MDFIC2: variants seen among roughly 807,000 people sequenced by gnomAD.
MDFIC2 encodes the protein myoD family inhibitor domain-containing protein 2.
At chr3:70,204,009 C>T (rs1166821216) in intron 3 of MDFIC2, among the ~76,000 whole-genome samples, 1 of 152,104 alleles carries the variant, frequency 6.6e-6, no homozygotes, top group Non-Finnish European at 1.5e-5. Context: ...GTGTGATGTG[C>T]AGTAAAGATC....
intron 2 of MDFIC2, among the ~76,000 whole-genome samples, chr3:70,287,868 G>C (rs1220750653): frequency 1.3e-5 from 2 of 152,142 alleles, no homozygotes; most frequent in East Asian, 3.9e-4. Context: ...AGTATTCTCT[G>C]ATGGTAGTTT....
intron 2 of MDFIC2, among the ~76,000 whole-genome samples, chr3:70,293,624 G>A (rs774798150): frequency 6.6e-6 from 1 of 152,006 alleles, no homozygotes; most frequent in Non-Finnish European, 1.5e-5. Context: ...CTTGGTTTTT[G>A]CCACCAAATA....
At chr3:70,311,702 A>G (rs1702454494) in intron 2 of MDFIC2, among the ~76,000 whole-genome samples, 184 bp downstream of exon 2, 1 of 152,140 alleles carries the variant, frequency 6.6e-6, no homozygotes. Flanking sequence ...CATTTTAATA[A>G]TAAAGATCCT....
chr3:70,261,289 T>C (rs1421628371), intron 2 of MDFIC2, among the ~76,000 whole-genome samples: 2 of 152,210 alleles, frequency 1.3e-5, no homozygotes, highest in East Asian at 3.9e-4. Context: ...GTTAGTGCAG[T>C]GTGGCTTTCT....
At chr3:70,251,437 C>T (rs1233341887) in intron 2 of MDFIC2, among the ~76,000 whole-genome samples, 2 of 152,090 alleles carry the variant, frequency 1.3e-5, no homozygotes, top group South Asian at 2.1e-4. Context: ...AGGTATCTGT[C>T]TACTGGCATA....
intron 2 of MDFIC2, among the ~76,000 whole-genome samples, chr3:70,237,832 T>G (rs1383778767): frequency 2.0e-5 from 3 of 152,126 alleles, no homozygotes; most frequent in Non-Finnish European, 4.4e-5. Flanking sequence ...GTATTTTTCC[T>G]TAAATATTGC....
At chr3:70,208,199 G>A (rs560026160) in intron 2 of MDFIC2, among the ~76,000 whole-genome samples, 3 of 152,164 alleles carry the variant, frequency 2.0e-5, no homozygotes, top group Admixed American at 1.3e-4. Context: ...TGGCACAACT[G>A]GGACGTGGTC....
chr3:70,278,948 C>T (rs1298405658), intron 2 of MDFIC2, among the ~76,000 whole-genome samples: 2 of 151,356 alleles, frequency 1.3e-5, no homozygotes, highest in Admixed American at 6.6e-5. Flanking sequence ...TTCTCCTCTT[C>T]ATAGTGGTCT....
intron 2 of MDFIC2, among the ~76,000 whole-genome samples, chr3:70,289,386 C>A (rs1702205938): frequency 6.7e-6 from 1 of 149,734 alleles, no homozygotes; most frequent in African/African-American, 2.5e-5. Flanking sequence ...TGAATATTGG[C>A]CCCCACTCTC....
rs112303891 is a variant in MDFIC2, at chr3:70,299,996, A to G, written c.88+11890T>C. ...ACATACCCCAGACTTTTCTGCCTCC[A>G]TACCTTGGGCCATCATATTCCATCA... On this transcript the variant is annotated intron_variant, in intron 2 of 3. Transcript: ENST00000567252. Among the ~76,000 whole-genome samples, 25 of 152,222 alleles carry G rather than the reference A, an allele frequency of 1.6e-4. 1 individual carries two copies. The highest frequency in any genetic ancestry group is 5.5e-4 in the African/African-American group (23 of 41,546).
chr3:70,282,024 G>A (rs749102313), intron 2 of MDFIC2, among the ~76,000 whole-genome samples: 2 of 152,146 alleles, frequency 1.3e-5, no homozygotes, highest in Non-Finnish European at 2.9e-5. Context: ...CACCAGGGGT[G>A]CAGTCTAGGT....
intron 2 of MDFIC2, among the ~76,000 whole-genome samples, chr3:70,295,415 A>G (rs1468751189): frequency 6.6e-6 from 1 of 152,184 alleles, no homozygotes; most frequent in African/African-American, 2.4e-5. Context: ...TACATACCAT[A>G]ATGAAAGCCC....
intron 2 of MDFIC2, among the ~76,000 whole-genome samples, chr3:70,221,679 T>C (rs1179285669): frequency 6.6e-6 from 1 of 152,192 alleles, no homozygotes; most frequent in Non-Finnish European, 1.5e-5. Flanking sequence ...TGGTCAATGA[T>C]GCCAAGGTTC....
chr3:70,300,354 T>C (rs1403783892), intron 2 of MDFIC2, among the ~76,000 whole-genome samples: 1 of 152,140 alleles, frequency 6.6e-6, no homozygotes, highest in Non-Finnish European at 1.5e-5. Context: ...TACAGACGTT[T>C]ATTATAGGCA....
chr3:70,254,317 A>G (rs1701795599), intron 2 of MDFIC2, among the ~76,000 whole-genome samples: 1 of 152,198 alleles, frequency 6.6e-6, no homozygotes, highest in African/African-American at 2.4e-5. Flanking sequence ...CTCAACCCCA[A>G]ACATTCTAAA....
At chr3:70,266,030 A>G (rs1040930310) in intron 2 of MDFIC2, among the ~76,000 whole-genome samples, 8 of 151,974 alleles carry the variant, frequency 5.3e-5, no homozygotes, top group East Asian at 3.9e-4. Context: ...CATATCACCA[A>G]AAAAGTTTGC....
At chr3:70,234,736 A>T (rs1317980977) in intron 2 of MDFIC2, among the ~76,000 whole-genome samples, 3 of 152,010 alleles carry the variant, frequency 2.0e-5, no homozygotes, top group African/African-American at 7.2e-5. Context: ...AATCTTTGTG[A>T]TCTACTCACA....
chr3:70,292,184 C>T (rs190773364), intron 2 of MDFIC2: 1 of 152,300 alleles, frequency 6.6e-6, no homozygotes, highest in East Asian at 1.9e-4. Context: ...TGAATTCAAG[C>T]TTCCCTTTAT....
At chr3:70,202,955 A>C (rs1701256233) in intron 3 of MDFIC2, among the ~76,000 whole-genome samples, 1 of 151,914 alleles carries the variant, frequency 6.6e-6, no homozygotes, top group South Asian at 2.1e-4. Flanking sequence ...GCAGTCTTGC[A>C]CTCCCTGATT....
Sources: allele counts gnomAD v4.1 joint callset (sites outside exome capture counted in the v4.1 genomes callset), GRCh38; gene constraint gnomAD v4.1.1; transcripts MANE v1.5; gene names NCBI Gene and HGNC (gene_info 2026-07-23, HGNC 2026-07-21).